The following GRAP2 variants were observed in gnomAD, a reference collection of about 807,000 sequenced individuals.
GRAP2 encodes GRB2-related adapter protein 2.
A neutral mutation model predicts 43.5 loss-of-function variants in GRAP2; 31 were observed. The ratio of observed to expected loss-of-function variants is 0.71; its 90% CI spans 0.54 to 0.96. GRAP2 has a LOEUF of 0.96. Ranked by LOEUF, GRAP2 falls within the 40% of genes least tolerant of loss-of-function variation. The pLI is 0.00. For synonymous variants in GRAP2, 156 were observed against 164.8 expected (o/e 0.95, Z 0.41); for missense variants, 371 against 424.4 (o/e 0.87, Z 1.11).
At chr22:39,965,913 A>G in intron 4 of GRAP2, 77 bp from the exon 5 acceptor site, 1 of 1,193,100 alleles carries the variant, frequency 8.4e-7, no homozygotes, top group Non-Finnish European at 1.3e-6. Context: ...GAACTCCACC[A>G]TCCCAGATGT....
chr22:39,965,992 A>G lies in GRAP2; in HGVS notation c.293A>G (p.His98Arg). 6.2e-7 allele frequency: 1 copy of G among 1,613,912 alleles called. No homozygotes were observed. The highest frequency in any genetic ancestry group is 8.5e-7 in the Non-Finnish European group (1 of 1,179,720). The change falls in exon 5 of 8, where the codon CAT (histidine) becomes CGT (arginine). Residue 98 changes from histidine (H) to arginine (R), a missense_variant and splice_region_variant. Transcript: ENST00000344138. Reference protein sequence around the residue: ...SPGDFSISVRHEDDVQHFKVM... With the variant: ...SPGDFSISVRREDDVQHFKVM... ...TTTTGTTTTGCCTTGATCTCCAGGC[A>G]TGAGGATGACGTTCAACACTTCAAG...
At chr22:39,918,163 C>G (rs2066618978) in intron 1 of GRAP2, among the ~76,000 whole-genome samples, 1 of 152,200 alleles carries the variant, frequency 6.6e-6, no homozygotes. Flanking sequence ...TCACGCTCCT[C>G]CCTGAACATT....
chr22:39,966,025 G>A lies in GRAP2; in HGVS notation c.326G>A (p.Arg109Gln), dbSNP rs754398099. 2.2e-5 allele frequency: 35 copies of A among 1,613,988 alleles called. No homozygotes were observed. In the South Asian group the frequency reaches 2.7e-4, roughly 13 times the overall value. Reference sequence around the variant, plus strand: ...GACGTTCAACACTTCAAGGTCATGCGAGACAACAAGGGTAATTACTTTCTG... The same window carrying A: ...GACGTTCAACACTTCAAGGTCATGCAAGACAACAAGGGTAATTACTTTCTG... ...EDDVQHFKVM[R>Q]DNKGNYFLWT... is the part of the protein sequence containing the mutation. The change falls in exon 5 of 8, where the codon CGA (arginine) becomes CAA (glutamine). Residue 109 changes from arginine (R) to glutamine (Q), a missense_variant. Transcript: ENST00000344138.
chr22:39,933,893 CA>C (rs2066781232), intron 1 of GRAP2, among the ~76,000 whole-genome samples: 1 of 151,202 alleles, frequency 6.6e-6, no homozygotes, highest in Non-Finnish European at 1.5e-5. Context: ...CTTCAACACA[CA>C]GGGGCCTTTG....
intron 3 of GRAP2, among the ~76,000 whole-genome samples, chr22:39,959,407 C>T (rs778710545): frequency 6.6e-6 from 1 of 152,210 alleles, no homozygotes; most frequent in Non-Finnish European, 1.5e-5. Flanking sequence ...GTATAGACGC[C>T]GCTCTCTGGC....
intron 1 of GRAP2, among the ~76,000 whole-genome samples, chr22:39,933,765 T>C (rs1290286772): frequency 6.6e-6 from 1 of 150,858 alleles, no homozygotes; most frequent in Non-Finnish European, 1.5e-5. Context: ...CTCTTGAGCC[T>C]GGGAGGCGAA....
chr22:39,898,779 C>CTCTA (rs1360323550), upstream of GRAP2, among the ~76,000 whole-genome samples: 1 of 152,168 alleles, frequency 6.6e-6, no homozygotes, highest in African/African-American at 2.4e-5. Flanking sequence ...CGTCACTGTA[C>CTCTA]TCTAGCCTGG....
intron 1 of GRAP2, among the ~76,000 whole-genome samples, chr22:39,907,486 A>G (rs1431607040): frequency 6.6e-6 from 1 of 152,182 alleles, no homozygotes; most frequent in Non-Finnish European, 1.5e-5. Flanking sequence ...GTACAGGCTC[A>G]TTGACTTTGG....
intron 1 of GRAP2, among the ~76,000 whole-genome samples, chr22:39,937,184 C>T (rs997872335): frequency 6.6e-6 from 1 of 152,130 alleles, no homozygotes; most frequent in South Asian, 2.1e-4. Flanking sequence ...ACCTGATAGA[C>T]CATATCAATC....
In GRAP2 at chr22:39,964,525, G is replaced by A. The variant is rs566144131; in HGVS notation, c.291-1465G>A. The A allele has an allele frequency of 3.1e-5, 28 of 904,464 alleles. No homozygotes were observed. In the East Asian group the frequency reaches 6.6e-4, roughly 21 times the overall value. 56.0% of individuals were successfully genotyped at this position (904,464 alleles called of 1,614,324 possible). A position where few individuals can be genotyped will look rare whatever the true frequency, so the allele number is the denominator to read the frequency against. On this transcript the variant is annotated intron_variant, in intron 4 of 7. Coordinates refer to ENST00000344138, the MANE Select transcript of GRAP2 (RefSeq NM_004810.4). ...GCTAAAAGCGAAGGTCGTGGGGAAG[G>A]GGCCTCTGGCCACAGGTGGAATTAA...
intron 1 of GRAP2, among the ~76,000 whole-genome samples, chr22:39,907,315 G>A (rs1433919798): frequency 6.6e-6 from 1 of 152,178 alleles, no homozygotes; most frequent in Non-Finnish European, 1.5e-5. Context: ...ACGATGCCTA[G>A]CACTTATCCT....
rs137974 is a variant in GRAP2, at chr22:39,920,943, G to GACACAC, written c.-15+19655_-15+19660dup. 2.3e-3 allele frequency among the ~76,000 whole-genome samples: 328 copies of GACACAC among 142,580 alleles called. 4 individuals are homozygous for GACACAC. Among genetic ancestry groups the GACACAC allele is most frequent in the South Asian group, 4.7e-3 (20 of 4,254 alleles). 93.5% of individuals were successfully genotyped at this position (142,580 alleles called of 152,430 possible). On this transcript the variant is annotated intron_variant, in intron 1 of 7. Transcript: ENST00000344138. Reference sequence around the variant, plus strand: ...AATGGGTATTTAACTTCTCTACACAGACACACACACACACACACACACACA... The same window carrying GACACAC: ...AATGGGTATTTAACTTCTCTACACAGACACACACACACACACACACACACACACACA...
At chr22:39,900,134 G>T (rs972630021), upstream of GRAP2, among the ~76,000 whole-genome samples, 1 of 152,202 alleles carries the variant, frequency 6.6e-6, no homozygotes, top group Non-Finnish European at 1.5e-5. Context: ...CAAGGAAAAG[G>T]TTTTAAGAAA....
chr22:39,925,691 C>T (rs1298375074), intron 1 of GRAP2, among the ~76,000 whole-genome samples: 2 of 152,216 alleles, frequency 1.3e-5, no homozygotes, highest in African/African-American at 4.8e-5. Flanking sequence ...AATCCAGAAG[C>T]ATTTTGGACG....
rs1601749536 is a variant in GRAP2, at chr22:39,971,571, T to G, written c.*487T>G. On this transcript the variant is annotated 3_prime_UTR_variant, in exon 8 of 8. Coordinates refer to ENST00000344138, the MANE Select transcript of GRAP2 (RefSeq NM_004810.4). ...AGCTCTCCTCCTGTTCTCCAAGGGG[T>G]GGGCACTGTTGCATTAGGAATTAAG... 1 of 155,322 alleles carries G rather than the reference T, an allele frequency of 6.4e-6. No homozygotes were observed. The highest frequency in any genetic ancestry group is 2.4e-5 in the African/African-American group (1 of 41,452). The allele number at this position is 155,322 out of a possible 1,614,324, so 9.6% of individuals were successfully genotyped here.
chr22:39,971,378 G>A lies in GRAP2; in HGVS notation c.*294G>A. 1 of 387,428 alleles carries A rather than the reference G, an allele frequency of 2.6e-6. No individual in the cohort carries two copies. Among genetic ancestry groups the A allele is most frequent in the East Asian group, 5.5e-5 (1 of 18,320 alleles). The allele number at this position is 387,428 out of a possible 1,614,324, so 24.0% of individuals were successfully genotyped here. A position where few individuals can be genotyped will look rare whatever the true frequency, so the allele number is the denominator to read the frequency against. ...GGGAAATGAAATGGAGTTTTGTCCT[G>A]GCCTTCAGCTGTCACTGCTTCCTCC... On this transcript the variant is annotated 3_prime_UTR_variant, in exon 8 of 8. Transcript: ENST00000344138.
intron 1 of GRAP2, among the ~76,000 whole-genome samples, chr22:39,919,449 T>C (rs2145586268): frequency 6.6e-6 from 1 of 152,338 alleles, no homozygotes; most frequent in South Asian, 2.1e-4. Context: ...GTTTTTTATT[T>C]TATTTAGAGT....
chr22:39,971,200 C>A lies in GRAP2; in HGVS notation c.*116C>A. The A allele has an allele frequency of 5.4e-6, 4 of 743,742 alleles. No homozygotes were observed. Among genetic ancestry groups the A allele is most frequent in the Non-Finnish European group, 8.7e-6 (4 of 462,088 alleles). The allele number at this position is 743,742 out of a possible 1,614,324, so 46.1% of individuals were successfully genotyped here. ...ACATCTATCTACATCTGCCTGTGTA[C>A]ACACACAACTTTTTATACTAGTAAT... On this transcript the variant is annotated 3_prime_UTR_variant, in exon 8 of 8. Coordinates refer to ENST00000344138, the MANE Select transcript of GRAP2 (RefSeq NM_004810.4).
At chr22:39,964,854 AC>A in intron 4 of GRAP2, 2 of 293,740 alleles carry the variant, frequency 6.8e-6, no homozygotes, top group Non-Finnish European at 1.2e-5. Flanking sequence ...TCGTTGTTCT[AC>A]CCTAAACTTT....
Sources: allele counts gnomAD v4.1 joint callset (sites outside exome capture counted in the v4.1 genomes callset), GRCh38; gene constraint gnomAD v4.1.1; transcripts MANE v1.5; gene names NCBI Gene and HGNC (gene_info 2026-07-23, HGNC 2026-07-21).